Variants in UBA7 observed in about 807,000 individuals in gnomAD.
UBA7 encodes ubiquitin like modifier activating enzyme 7, also known as ubiquitin-like modifier-activating enzyme 7.
A neutral mutation model predicts 113.0 loss-of-function variants in UBA7; 88 were observed. The ratio of observed to expected loss-of-function variants is 0.78; its 90% CI spans 0.66 to 0.93. The LOEUF (loss-of-function observed/expected upper bound fraction) is 0.93. Among genes scored for constraint, UBA7 ranks in the 40% least tolerant of loss-of-function variants. UBA7 has a pLI of 0.00. For missense variants in UBA7, 1,092 were observed against 1,266.4 expected (o/e 0.86, Z 2.09); for synonymous variants, 459 against 513.0 (o/e 0.89, Z 1.42).
intron 18 of UBA7, 144 bp downstream of exon 18, chr3:49,808,832 G>C (rs948092654): frequency 2.9e-6 from 3 of 1,041,044 alleles, no homozygotes; most frequent in Non-Finnish European, 4.1e-6. Context: ...TGAAACTATG[G>C]AGGAGTGAGG....
chr3:49,811,996 C>T lies in UBA7; in HGVS notation c.813G>A (p.Leu271=), dbSNP rs1462099189. 2.5e-6 allele frequency: 4 copies of T among 1,614,186 alleles called. No homozygotes were observed. The South Asian group carries it at 4.4e-5, about 18-fold the overall frequency. The change falls in exon 8 of 24, where the codon CTG becomes CTA. Residue 271 remains leucine (L), a synonymous_variant. Transcript: ENST00000333486. The part of the protein sequence containing the change: ...TVRHKSLDTA[L]LQPHVVAQSS... ...TCTGGGCCACCACATGGGGCTGGAG[C>T]AGGGCTGTGTCCAGGGACTTCTGCA...
rs1369485673 is a variant in UBA7 at position 49,807,072 on chromosome 3, G to A, written c.2715+664C>T. On this transcript the variant is annotated intron_variant, in intron 21 of 23. Coordinates refer to ENST00000333486, the MANE Select transcript of UBA7 (RefSeq NM_003335.3). The surrounding 1 kb of genome is among the most constrained non-coding windows in gnomAD (Gnocchi z 4.0). ...GCACAAGGCTGGAGGCATTCACAGC[G>A]CTGCAGTCACAGGAACACAAATGCC... Among the ~76,000 whole-genome samples the A allele has an allele frequency of 6.6e-6, 1 of 152,204 alleles. No individual in the cohort carries two copies. The highest frequency in any genetic ancestry group is 2.4e-5 in the African/African-American group (1 of 41,442).
intron 17 of UBA7, 113 bp downstream of exon 17, chr3:49,809,276 CA>C: frequency 6.5e-7 from 1 of 1,535,776 alleles, no homozygotes; most frequent in East Asian, 2.3e-5. Context: ...CCCATATATG[CA>C]CAAGCATGGC....
chr3:49,807,679 C>T lies in UBA7; in HGVS notation c.2715+57G>A. ...GCAGCTAGATTGGGGCCTGTATGGG[C>T]AGGTGCAGGGGAAACCCAGGCCTAG... On this transcript the variant is annotated intron_variant, in intron 21 of 23. Coordinates refer to ENST00000333486, the MANE Select transcript of UBA7 (RefSeq NM_003335.3). The surrounding 1 kb of genome is among the most constrained non-coding windows in gnomAD (Gnocchi z 4.0). The T allele has an allele frequency of 6.5e-7, 1 of 1,536,750 alleles. No homozygotes were observed. Among genetic ancestry groups the T allele is most frequent in the African/African-American group, 1.4e-5 (1 of 72,854 alleles).
chr3:49,809,082 C>T lies in UBA7; in HGVS notation c.2241G>A (p.Trp747Ter). 6.2e-7 allele frequency: 1 copy of T among 1,613,744 alleles called. No individual in the cohort carries two copies. The highest frequency in any genetic ancestry group is 8.5e-7 in the Non-Finnish European group (1 of 1,179,940). Residue 747 changes from tryptophan (W) to a stop codon, truncating the protein, a stop_gained, in exon 18 of 24, where the codon TGG (tryptophan) becomes TGA (stop). Coordinates refer to ENST00000333486, the MANE Select transcript of UBA7 (RefSeq NM_003335.3). LOFTEE classifies it high-confidence loss of function. ...QMHGLPGSQD[W>*]TALRELLKLL... is the part of the protein sequence containing the mutation. Reference sequence around the variant, plus strand: ...GCTTCAGCAGCTCCCTGAGTGCAGTCCAGTCCTGTGAGCCAGGCAGCCCAT... The same window carrying T: ...GCTTCAGCAGCTCCCTGAGTGCAGTTCAGTCCTGTGAGCCAGGCAGCCCAT...
intron 18 of UBA7, 116 bp downstream of exon 18, chr3:49,808,860 T>C: frequency 7.5e-7 from 1 of 1,339,222 alleles, no homozygotes. Context: ...GCCTGAGAGG[T>C]AGCAAATTGG....
Position 49,808,464 on chromosome 3 carries a change from A to C in UBA7, c.2352T>G (p.Pro784=). Residue 784 remains proline (P), a synonymous_variant, in exon 19 of 24, where the codon CCT becomes CCG. Transcript: ENST00000333486. ...CTTTGTTCAGTTCCTTCTGCTGCTC[A>C]GGGCCTGTCAGGGGAGGGGATGTTG... The part of the protein sequence containing the change: ...ELASASAEFG[P]EQQKELNKAL... The C allele has an allele frequency of 6.2e-7, 1 of 1,614,012 alleles. No individual in the cohort carries two copies. Among genetic ancestry groups the C allele is most frequent in the Non-Finnish European group, 8.5e-7 (1 of 1,179,924 alleles).
chr3:49,805,495 G>C, intron 23 of UBA7, 58 bp from the exon 24 acceptor site: 1 of 1,533,898 alleles, frequency 6.5e-7, no homozygotes, highest in South Asian at 1.1e-5. Flanking sequence ...GCAGAAGGCA[G>C]CCTGGCATGG....
At position 49,807,987 on chromosome 3, in the gene UBA7, C is replaced by T; in HGVS notation, c.2523+33G>A. ...GCGTAGGGCCAGGGTTTGCCCTCCA[C>T]CTCCAGGCCCAAGCCTCAAGGGGTG... On this transcript the variant is annotated intron_variant, in intron 20 of 23. Transcript: ENST00000333486. The surrounding 1 kb of genome is among the most constrained non-coding windows in gnomAD (Gnocchi z 4.0). The T allele has an allele frequency of 5.0e-6, 8 of 1,614,022 alleles. No homozygotes were observed. Among genetic ancestry groups the T allele is most frequent in the African/African-American group, 4.0e-5 (3 of 75,064 alleles).
In UBA7 at chr3:49,809,549, G is replaced by A. The variant is rs1229119201; in HGVS notation, c.2081C>T (p.Pro694Leu). 32 of 1,613,984 alleles carry A rather than the reference G, an allele frequency of 2.0e-5. No individual in the cohort carries two copies. The highest frequency in any genetic ancestry group is 2.5e-5 in the Non-Finnish European group (30 of 1,180,022). Residue 694 changes from proline (P) to leucine (L), a missense_variant, in exon 16 of 24, where the codon CCT (proline) becomes CTT (leucine). Around this residue, in one of 3 missense-constraint regions of UBA7, gnomAD observed 500 missense variants for 529.3 expected, o/e 0.94. Transcript: ENST00000333486. ...GIKQLLRHFP[P>L]NKVLEDGTPF... ...CAACCCCTAGCCACACACTTTATTA[G>A]GTGGGAAGTGCCTCAGCAGCTGTTT... is the stretch of plus-strand genomic sequence containing the variant.
chr3:49,808,264 A>T, intron 19 of UBA7, 122 bp downstream of exon 19: 2 of 1,506,230 alleles, frequency 1.3e-6, no homozygotes, highest in Non-Finnish European at 1.8e-6. Context: ...AGGGAATGTG[A>T]GCTGCTTCCA....
In UBA7 at chr3:49,811,893, G is replaced by C; in HGVS notation, c.916C>G (p.Arg306Gly). 6.2e-7 allele frequency: 1 copy of C among 1,613,880 alleles called. No individual in the cohort carries two copies. Among genetic ancestry groups the C allele is most frequent in the Non-Finnish European group, 8.5e-7 (1 of 1,180,032 alleles). Reference protein sequence around the residue: ...ALHKFQHLHGRPPQPWDPVDA... With the variant: ...ALHKFQHLHGGPPQPWDPVDA... The stretch of plus-strand genomic sequence containing the variant: ...ACAGGATCCCAGGGCTGGGGTGGCC[G>C]GCCATGGAGGTGCTGGAACTTGTGC... Residue 306 changes from arginine (R) to glycine (G), a missense_variant, in exon 8 of 24, where the codon CGG (arginine) becomes GGG (glycine). By Grantham distance (125) the Arg-to-Gly change is moderately radical (BLOSUM62 -2). Around this residue, in one of 3 missense-constraint regions of UBA7, gnomAD observed 584 missense variants for 714.5 expected, o/e 0.82. Transcript: ENST00000333486.
intron 21 of UBA7, among the ~76,000 whole-genome samples, chr3:49,806,653 A>G (rs2081458193): frequency 6.6e-6 from 1 of 152,182 alleles, no homozygotes; most frequent in Admixed American, 6.5e-5. Context: ...TACAATGCAT[A>G]GAGGCTTCCT....
rs1163687894 is a variant in UBA7, at chr3:49,812,219, C to T, written c.695-13G>A. ...AGGGACCCATCCTCTGAGGGAGTTC[C>T]AGTCTAGTCAGTAATGATCCTTGAG... On this transcript the variant is annotated splice_polypyrimidine_tract_variant and intron_variant, in intron 6 of 23. Coordinates refer to ENST00000333486, the MANE Select transcript of UBA7 (RefSeq NM_003335.3). The T allele has an allele frequency of 1.2e-6, 2 of 1,613,988 alleles. No homozygotes were observed. Among genetic ancestry groups the T allele is most frequent in the Admixed American group, 1.7e-5 (1 of 60,012 alleles).
chr3:49,808,342 A>G (rs778797747), intron 19 of UBA7, 44 bp downstream of exon 19: 1 of 1,612,322 alleles, frequency 6.2e-7, no homozygotes, highest in Non-Finnish European at 8.5e-7. Flanking sequence ...ACCTTTCTCC[A>G]CAAACTCCCC....
chr3:49,808,172 C>G, intron 19 of UBA7, 60 bp from the exon 20 acceptor site: 7 of 1,588,272 alleles, frequency 4.4e-6, no homozygotes, highest in Non-Finnish European at 6.0e-6. Context: ...CCGTGGCCCA[C>G]TGCGTGTCAC....
At chr3:49,811,727 C>T in intron 8 of UBA7, 143 bp downstream of exon 8, 1 of 1,413,042 alleles carries the variant, frequency 7.1e-7, no homozygotes, top group Non-Finnish European at 9.7e-7. Flanking sequence ...GTGTGCCTGG[C>T]ACTTCCATGG....
chr3:49,813,758 CA>C lies in UBA7; in HGVS notation c.29del (p.Leu10ArgfsTer44). On this transcript the variant is annotated frameshift_variant, in exon 1 of 24. Coordinates refer to ENST00000333486, the MANE Select transcript of UBA7 (RefSeq NM_003335.3). LOFTEE classifies it high-confidence loss of function. MDALDASKLLDEELYSRQLY... is the reference protein window; with the variant it reads MDALDASKLXDEELYSRQLY... ...GCTGTCTTGAATACAGCTCCTCATC[CA>C]GTAGCTTCGAAGCGTCCAGGGCATC... The C allele has an allele frequency of 2.5e-6, 4 of 1,614,230 alleles. No homozygotes were observed. Among genetic ancestry groups the C allele is most frequent in the Non-Finnish European group, 3.4e-6 (4 of 1,180,034 alleles).
In UBA7 at chr3:49,812,427, G is replaced by A; in HGVS notation, c.675C>T (p.Pro225=). ...EGMVELNDCD[P]RSIHVREDGS... ...GCTTACCCCGCACGTGGATAGACCG[G>A]GGATCACAGTCGTTGAGCTCAACCA... is the stretch of plus-strand genomic sequence containing the variant. The change falls in exon 6 of 24, where the codon CCC becomes CCT. Residue 225 remains proline, a synonymous_variant. Transcript: ENST00000333486. The A allele has an allele frequency of 6.2e-7, 1 of 1,614,212 alleles. No homozygotes were observed. The highest frequency in any genetic ancestry group is 1.3e-5 in the African/African-American group (1 of 75,052).
Sources: allele counts gnomAD v4.1 joint callset (sites outside exome capture counted in the v4.1 genomes callset), GRCh38; gene constraint gnomAD v4.1.1; regional missense constraint gnomAD v4.1.1; non-coding constraint Gnocchi (gnomAD v3.1); transcripts MANE v1.5; gene names NCBI Gene and HGNC (gene_info 2026-07-23, HGNC 2026-07-21).